The following NR4A2 variants were observed in gnomAD, a reference collection of about 807,000 sequenced individuals.
NR4A2 encodes NGFI-B/nur77 beta-type transcription factor homolog.
In NR4A2, 1 loss-of-function variant was observed where a neutral mutation model predicts 50.5. The observed-to-expected ratio is 0.02, with a 90% CI of 0.01 to 0.09. NR4A2 has a LOEUF of 0.09. NR4A2 is among the 10% of genes least tolerant of loss of function. The pLI is 1.00. For synonymous variants in NR4A2, 328 were observed against 309.4 expected (o/e 1.06, Z -0.63); for missense variants, 613 against 777.3 (o/e 0.79, Z 2.51).
At chr2:156,331,272 TC>T (rs985609710) in intron 1 of NR4A2, among the ~76,000 whole-genome samples, 2 of 152,218 alleles carry the variant, frequency 1.3e-5, no homozygotes, top group Admixed American at 1.3e-4. Flanking sequence ...AAAACAATCT[TC>T]CCCCTTACAA....
rs759152251 is a variant in NR4A2 at position 156,326,135 on chromosome 2, G to A, written c.1540+15C>T. ...CAGTTCTGGAGGGGAAGCGCCCTGCGCCTGCAGTACTGACCTGTGACCATA... is the reference window on the plus strand; with the variant it reads ...CAGTTCTGGAGGGGAAGCGCCCTGCACCTGCAGTACTGACCTGTGACCATA... On this transcript the variant is annotated intron_variant, in intron 7 of 7. Coordinates refer to ENST00000339562, the MANE Select transcript of NR4A2 (RefSeq NM_006186.4). This position sits in a 1 kb window ranked among gnomAD's most constrained non-coding sequence, Gnocchi z 4.2. The A allele has an allele frequency of 2.0e-5, 32 of 1,614,004 alleles. No homozygotes were observed. Among genetic ancestry groups the A allele is most frequent in the African/African-American group, 6.7e-5 (5 of 74,932 alleles).
rs1686985018 is a variant in NR4A2 at position 156,332,623 on chromosome 2, C to G, written c.-270G>C. On this transcript the variant is annotated 5_prime_UTR_variant, in exon 1 of 8. Transcript: ENST00000339562. Reference sequence around the variant, plus strand: ...ACCTCACGGAGGGAGGGAGCAGGGACAGGCGGCCGGCTGGACAGGCAAAAG... The same window carrying G: ...ACCTCACGGAGGGAGGGAGCAGGGAGAGGCGGCCGGCTGGACAGGCAAAAG... The G allele has an allele frequency of 9.3e-6, 6 of 641,964 alleles. No individual in the cohort carries two copies. The highest frequency in any genetic ancestry group is 1.5e-5 in the Non-Finnish European group (6 of 401,292). The allele number at this position is 641,964 out of a possible 1,614,324, so 39.8% of individuals were successfully genotyped here.
In NR4A2 at chr2:156,325,940, C is replaced by T. The variant is rs1686623503; in HGVS notation, c.1601G>A (p.Cys534Tyr). The change falls in exon 8 of 8, where the codon TGT becomes TAT. Residue 534 changes from cysteine (C) to tyrosine (Y), a missense_variant. Cys to Tyr is a radical substitution (Grantham distance 194, BLOSUM62 -2). This residue lies in a region of NR4A2 where 250 missense variants were observed against 311.3 expected (regional missense o/e 0.80). Transcript: ENST00000339562. ...VEELQNKIVN[C>Y]LKDHVTFNNG... ...GTTGAAAGTCACGTGGTCTTTGAGA[C>T]AATTTACAATCTTGTTTTGCAGTTC... is the stretch of plus-strand genomic sequence containing the variant. 1 of 1,614,082 alleles carries T rather than the reference C, an allele frequency of 6.2e-7. No individual in the cohort carries two copies. The highest frequency in any genetic ancestry group is 8.5e-7 in the Non-Finnish European group (1 of 1,180,054).
rs1686795980 is a variant in NR4A2 at position 156,329,234 on chromosome 2, G to C, written c.864+89C>G. 23 of 1,529,056 alleles carry C rather than the reference G, an allele frequency of 1.5e-5. No individual in the cohort carries two copies. The highest frequency in any genetic ancestry group is 2.4e-5 in the South Asian group (2 of 84,010). The allele number at this position is 1,529,056 out of a possible 1,614,324, so 94.7% of individuals were successfully genotyped here. On this transcript the variant is annotated intron_variant, in intron 3 of 7. Coordinates refer to ENST00000339562, the MANE Select transcript of NR4A2 (RefSeq NM_006186.4). This position sits in a 1 kb window ranked among gnomAD's most constrained non-coding sequence, Gnocchi z 7.5. ...GGCAGTCCCGGGAGAGCTGGGGCTG[G>C]GCTACTGGCACCAAGGCAGAGGGCA...
In NR4A2 at chr2:156,329,222, G is replaced by T; in HGVS notation, c.864+101C>A. 1 of 1,501,342 alleles carries T rather than the reference G, an allele frequency of 6.7e-7. No homozygotes were observed. Among genetic ancestry groups the T allele is most frequent in the Non-Finnish European group, 9.0e-7 (1 of 1,106,480 alleles). 93.0% of individuals were successfully genotyped at this position (1,501,342 alleles called of 1,614,324 possible). On this transcript the variant is annotated intron_variant, in intron 3 of 7. Coordinates refer to ENST00000339562, the MANE Select transcript of NR4A2 (RefSeq NM_006186.4). This position sits in a 1 kb window ranked among gnomAD's most constrained non-coding sequence, Gnocchi z 7.5. ...CCCGGAGAGCTGGGCAGTCCCGGGA[G>T]AGCTGGGGCTGGGCTACTGGCACCA...
intron 5 of NR4A2, among the ~76,000 whole-genome samples, chr2:156,327,227 G>A (rs1686691555): frequency 1.3e-5 from 2 of 152,284 alleles, no homozygotes; most frequent in South Asian, 4.1e-4. Flanking sequence ...GTCCCAGAGT[G>A]GGCCTCGAGC....
chr2:156,329,312 C>T lies in NR4A2; in HGVS notation c.864+11G>A. On this transcript the variant is annotated intron_variant, in intron 3 of 7. Coordinates refer to ENST00000339562, the MANE Select transcript of NR4A2 (RefSeq NM_006186.4). This position sits in a 1 kb window ranked among gnomAD's most constrained non-coding sequence, Gnocchi z 7.5. ...TCCCTACCTGCCTACTCCGCTCCCG[C>T]CATTGCTCACCTTAAAGAAGCCTTT... The T allele has an allele frequency of 6.2e-7, 1 of 1,609,346 alleles. No homozygotes were observed. The highest frequency in any genetic ancestry group is 8.5e-7 in the Non-Finnish European group (1 of 1,178,070).
chr2:156,327,702 C>T, intron 5 of NR4A2, 149 bp downstream of exon 5: 1 of 939,758 alleles, frequency 1.1e-6, no homozygotes, highest in South Asian at 1.5e-5. Context: ...AGATCTGAAT[C>T]TTGAGGCCCT....
Position 156,332,522 on chromosome 2 carries a change from G to C in NR4A2, c.-169C>G. 7.8e-7 allele frequency: 1 copy of C among 1,289,106 alleles called. No individual in the cohort carries two copies. Among genetic ancestry groups the C allele is most frequent in the Non-Finnish European group, 1.0e-6 (1 of 988,628 alleles). 79.9% of individuals were successfully genotyped at this position (1,289,106 alleles called of 1,614,324 possible). On this transcript the variant is annotated 5_prime_UTR_variant, in exon 1 of 8. Coordinates refer to ENST00000339562, the MANE Select transcript of NR4A2 (RefSeq NM_006186.4). Reference sequence around the variant, plus strand: ...CTGTCTTCATTCATTCAACTCTGCCGAAGTGCAGTTCCCTCTGGGAGCCCG... The same window carrying C: ...CTGTCTTCATTCATTCAACTCTGCCCAAGTGCAGTTCCCTCTGGGAGCCCG...
Position 156,328,376 on chromosome 2 carries a change from G to A in NR4A2, c.994+28C>T, listed in dbSNP as rs753589011. ...CAGTGGTTTCCTAAAGGCGCAAACT[G>A]GAGGGTCGGCAGCTCCCCTCAGCCT... On this transcript the variant is annotated intron_variant, in intron 4 of 7. Coordinates refer to ENST00000339562, the MANE Select transcript of NR4A2 (RefSeq NM_006186.4). This position sits in a 1 kb window ranked among gnomAD's most constrained non-coding sequence, Gnocchi z 4.9. 5.0e-6 allele frequency: 8 copies of A among 1,614,034 alleles called. No homozygotes were observed. In the South Asian group the frequency reaches 8.8e-5, roughly 18 times the overall value.
Position 156,325,866 on chromosome 2 carries a change from G to C in NR4A2, c.1675C>G (p.Leu559Val). The C allele has an allele frequency of 4.3e-6, 7 of 1,614,208 alleles. No homozygotes were observed. Among genetic ancestry groups the C allele is most frequent in the Non-Finnish European group, 5.1e-6 (6 of 1,180,038 alleles). The change falls in exon 8 of 8, where the codon CTC (leucine) becomes GTC (valine). Residue 559 changes from leucine to valine, a missense_variant. By Grantham distance (32) the Leu-to-Val change is conservative. Transcript: ENST00000339562. ...GTGCAAAGGGTACGAAGTTCTGGGA[G>C]CTTCCCCAACAGTTTGGACAAATAA... ...PNYLSKLLGKLPELRTLCTQG... is the reference protein window; with the variant it reads ...PNYLSKLLGKVPELRTLCTQG...
Position 156,325,581 on chromosome 2 carries a change from T to G in NR4A2, c.*163A>C. ...AGGAAATAGCAACAGTTTTTGTTTG[T>G]TTGTTTGTTTTCTTTAGGGATCAAG... On this transcript the variant is annotated 3_prime_UTR_variant, in exon 8 of 8. Transcript: ENST00000339562. 1 of 940,890 alleles carries G rather than the reference T, an allele frequency of 1.1e-6. No individual in the cohort carries two copies. The highest frequency in any genetic ancestry group is 1.7e-6 in the Non-Finnish European group (1 of 604,120). 58.3% of individuals were successfully genotyped at this position (940,890 alleles called of 1,614,324 possible).
rs1302923955 is a variant in NR4A2 at position 156,326,011 on chromosome 2, C to G, written c.1541-11G>C. ...TGAGCCCGTGTCTCTCTGCAGAAAA[C>G]ATAATCAGAAACAAAAGAAGAATGT... is the stretch of plus-strand genomic sequence containing the variant. On this transcript the variant is annotated splice_polypyrimidine_tract_variant and intron_variant, in intron 7 of 7. Transcript: ENST00000339562. The surrounding 1 kb of genome is among the most constrained non-coding windows in gnomAD (Gnocchi z 4.2). 1 of 1,614,124 alleles carries G rather than the reference C, an allele frequency of 6.2e-7. No homozygotes were observed. Among genetic ancestry groups the G allele is most frequent in the South Asian group, 1.1e-5 (1 of 91,080 alleles).
intron 1 of NR4A2, among the ~76,000 whole-genome samples, chr2:156,332,119 A>G (rs1166663219): frequency 1.3e-5 from 2 of 152,148 alleles, no homozygotes; most frequent in Non-Finnish European, 2.9e-5. Flanking sequence ...TCGTATACAT[A>G]GGACTTGGAG....
Position 156,325,247 on chromosome 2 carries a change from T to G in NR4A2, c.*497A>C, listed in dbSNP as rs1686585748. 1.2e-5 allele frequency: 2 copies of G among 170,154 alleles called. No individual in the cohort carries two copies. Among genetic ancestry groups the G allele is most frequent in the African/African-American group, 4.8e-5 (2 of 41,766 alleles). 10.5% of individuals were successfully genotyped at this position (170,154 alleles called of 1,614,324 possible). ...ACGCAACATTTAGTTTTACTATATATTACAGCTTTCTTTACAGCAGAAAAC... is the reference window on the plus strand; with the variant it reads ...ACGCAACATTTAGTTTTACTATATAGTACAGCTTTCTTTACAGCAGAAAAC... On this transcript the variant is annotated 3_prime_UTR_variant, in exon 8 of 8. Transcript: ENST00000339562.
In NR4A2 at chr2:156,326,131, C is replaced by G; in HGVS notation, c.1540+19G>C. On this transcript the variant is annotated intron_variant, in intron 7 of 7. Coordinates refer to ENST00000339562, the MANE Select transcript of NR4A2 (RefSeq NM_006186.4). The surrounding 1 kb of genome is among the most constrained non-coding windows in gnomAD (Gnocchi z 4.2). ...TAGGCAGTTCTGGAGGGGAAGCGCCCTGCGCCTGCAGTACTGACCTGTGAC... is the reference window on the plus strand; with the variant it reads ...TAGGCAGTTCTGGAGGGGAAGCGCCGTGCGCCTGCAGTACTGACCTGTGAC... 1 of 1,614,138 alleles carries G rather than the reference C, an allele frequency of 6.2e-7. No homozygotes were observed. The highest frequency in any genetic ancestry group is 8.5e-7 in the Non-Finnish European group (1 of 1,179,990).
In NR4A2 at chr2:156,326,040, A is replaced by C; in HGVS notation, c.1541-40T>G. The C allele has an allele frequency of 6.2e-7, 1 of 1,614,034 alleles. No individual in the cohort carries two copies. Among genetic ancestry groups the C allele is most frequent in the Non-Finnish European group, 8.5e-7 (1 of 1,179,954 alleles). On this transcript the variant is annotated intron_variant, in intron 7 of 7. Coordinates refer to ENST00000339562, the MANE Select transcript of NR4A2 (RefSeq NM_006186.4). This position sits in a 1 kb window ranked among gnomAD's most constrained non-coding sequence, Gnocchi z 4.2. ...ATCAGAAACAAAAGAAGAATGTACAAGACAGTTAGCTAGTTGGCAAAACCA... is the reference window on the plus strand; with the variant it reads ...ATCAGAAACAAAAGAAGAATGTACACGACAGTTAGCTAGTTGGCAAAACCA...
rs1686735792 is a variant in NR4A2, at chr2:156,328,071, C to T, written c.995-57G>A. On this transcript the variant is annotated intron_variant, in intron 4 of 7. Coordinates refer to ENST00000339562, the MANE Select transcript of NR4A2 (RefSeq NM_006186.4). This position sits in a 1 kb window ranked among gnomAD's most constrained non-coding sequence, Gnocchi z 4.9. ...TTCCGAGCCCAGGCCCAGCTGCTGC[C>T]TCGGTCCCTCCCCGGGGAAGGCCGC... 6.4e-7 allele frequency: 1 copy of T among 1,566,694 alleles called. No individual in the cohort carries two copies. The highest frequency in any genetic ancestry group is 1.2e-5 in the South Asian group (1 of 85,988).
chr2:156,329,995 C>T lies in NR4A2; in HGVS notation c.192G>A (p.Met64Ile). Reference sequence around the variant, plus strand: ...CGTCGTAGCCTGTGCTGTAGTTGTCCATAAAGGTACTGAAGCTGGGGAGAG... The same window carrying T: ...CGTCGTAGCCTGTGCTGTAGTTGTCTATAAAGGTACTGAAGCTGGGGAGAG... ...TTSLPSFSTF[M>I]DNYSTGYDVK... Residue 64 changes from methionine to isoleucine, a missense_variant, in exon 3 of 8, where the codon ATG becomes ATA. Transcript: ENST00000339562. This position sits in a 1 kb window ranked among gnomAD's most constrained non-coding sequence, Gnocchi z 7.5. 6.2e-7 allele frequency: 1 copy of T among 1,614,182 alleles called. No homozygotes were observed. The highest frequency in any genetic ancestry group is 8.5e-7 in the Non-Finnish European group (1 of 1,180,048).
Sources: gnomAD v4.1 joint callset for allele counts (sites outside exome capture counted in the v4.1 genomes callset) on GRCh38, gnomAD v4.1.1 for gene constraint, gnomAD v4.1.1 regional missense constraint, Gnocchi (gnomAD v3.1) non-coding constraint, MANE v1.5 for transcripts, NCBI Gene and HGNC (gene_info 2026-07-23, HGNC 2026-07-21) for gene names.